The following SIK3 variants were observed in gnomAD, a reference collection of about 807,000 sequenced individuals.
SIK3 encodes serine/threonine-protein kinase SIK3.
SIK3 carries 28 observed loss-of-function variants against 144.2 expected under a neutral mutation model. The observed-to-expected ratio is 0.19, with a 90% confidence interval of 0.14 to 0.27. SIK3 has a LOEUF of 0.27. Among genes scored for constraint, SIK3 ranks in the 10% least tolerant of loss-of-function variants. The pLI is 1.00. For missense variants in SIK3, 1,319 were observed against 1,776.0 expected (o/e 0.74, Z 4.62); for synonymous variants, 686 against 676.3 (o/e 1.01, Z -0.22).
At chr11:117,022,113 A>C (rs970213072) in intron 1 of SIK3, among the ~76,000 whole-genome samples, 3 of 152,038 alleles carry the variant, frequency 2.0e-5, no homozygotes, top group Admixed American at 6.5e-5. Context: ...TATTCTACCC[A>C]TTGCTACAGA....
rs769019791 is a variant in SIK3 at position 116,858,673 on chromosome 11, G to A, written c.2792C>T (p.Ala931Val). ...HSLNVNRFSP[A>V]NYDQAHLHPH... ...GTGTAAATGCGCCTGGTCGTAGTTA[G>A]CAGGGGAGAACCGATTCACGTTCAA... The change falls in exon 21 of 25, where the codon GCT (alanine) becomes GTT (valine). Residue 931 changes from alanine to valine, a missense_variant. Coordinates refer to ENST00000445177, the MANE Select transcript of SIK3 (RefSeq NM_001366686.3). The surrounding 1 kb of genome is among the most constrained non-coding windows in gnomAD (Gnocchi z 5.4). The A allele has an allele frequency of 2.6e-6, 4 of 1,556,968 alleles. No homozygotes were observed. The Admixed American group carries it at 7.7e-5, about 30-fold the overall frequency.
intron 3 of SIK3, among the ~76,000 whole-genome samples, chr11:116,938,041 C>T (rs987771403): frequency 6.6e-6 from 1 of 151,766 alleles, no homozygotes; most frequent in Non-Finnish European, 1.5e-5. Flanking sequence ...CCCGTCTCAA[C>T]TAAAAATACA....
At chr11:116,947,528 TATA>T (rs1948717252) in intron 3 of SIK3, among the ~76,000 whole-genome samples, 2 of 108,080 alleles carry the variant, frequency 1.9e-5, no homozygotes, top group African/African-American at 6.7e-5. Context: ...AATATATATA[TATA>T]TATGTATGTA....
intron 8 of SIK3, 110 bp downstream of exon 8, chr11:116,876,143 G>A (rs1944240320): frequency 2.0e-6 from 3 of 1,495,986 alleles, no homozygotes; most frequent in Admixed American, 2.1e-5. Flanking sequence ...GGCAGAGGAA[G>A]AAAAACAGGA....
intron 4 of SIK3, among the ~76,000 whole-genome samples, chr11:116,919,512 A>G (rs1181820269): frequency 6.6e-6 from 1 of 152,182 alleles, no homozygotes; most frequent in Admixed American, 6.5e-5. Context: ...TTTAAAGACA[A>G]AAGTTTCCAA....
intron 1 of SIK3, among the ~76,000 whole-genome samples, chr11:116,965,112 A>C (rs1045565302): frequency 6.6e-6 from 1 of 152,212 alleles, no homozygotes; most frequent in Non-Finnish European, 1.5e-5. Context: ...GAAGCAAAGG[A>C]AATTTTCTGT....
At chr11:116,859,685 C>A in intron 19 of SIK3, 81 bp from the exon 20 acceptor site, 1 of 1,185,794 alleles carries the variant, frequency 8.4e-7, no homozygotes, top group Non-Finnish European at 1.2e-6. Flanking sequence ...TGAGAATACT[C>A]AGACGACATA....
intron 4 of SIK3, among the ~76,000 whole-genome samples, chr11:116,898,545 A>G (rs1314072570): frequency 4.6e-5 from 7 of 151,692 alleles, no homozygotes; most frequent in South Asian, 2.1e-4. Context: ...CTGAGGAATC[A>G]CCACACTGAC....
intron 1 of SIK3, among the ~76,000 whole-genome samples, chr11:117,071,022 G>C (rs1954255789): frequency 6.6e-6 from 1 of 151,872 alleles, no homozygotes; most frequent in South Asian, 2.1e-4. Flanking sequence ...AGCCACTGCG[G>C]CCAGCCCAAT....
chr11:117,053,818 T>G (rs1000436571), intron 1 of SIK3, among the ~76,000 whole-genome samples: 1 of 152,116 alleles, frequency 6.6e-6, no homozygotes, highest in African/African-American at 2.4e-5. Context: ...AGCTAATTTT[T>G]TTAGTTTTTG....
intron 1 of SIK3, among the ~76,000 whole-genome samples, chr11:117,073,919 G>A (rs1337104438): frequency 6.6e-6 from 1 of 152,150 alleles, no homozygotes; most frequent in Non-Finnish European, 1.5e-5. Flanking sequence ...TTATGGTCTT[G>A]ACCAATATTT....
chr11:116,997,379 G>A (rs1012040247), intron 1 of SIK3, among the ~76,000 whole-genome samples: 1 of 152,196 alleles, frequency 6.6e-6, no homozygotes, highest in Non-Finnish European at 1.5e-5. Context: ...GCTCATATGT[G>A]TAGTAATCAT....
chr11:116,946,993 T>C (rs1385203974), intron 3 of SIK3, among the ~76,000 whole-genome samples: 3 of 151,022 alleles, frequency 2.0e-5, no homozygotes, highest in Non-Finnish European at 4.4e-5. Context: ...CGAGTGCCTG[T>C]AGTCCCAGCT....
At chr11:117,046,083 G>A (rs1479073626) in intron 1 of SIK3, among the ~76,000 whole-genome samples, 1 of 152,182 alleles carries the variant, frequency 6.6e-6, no homozygotes, top group Non-Finnish European at 1.5e-5. Flanking sequence ...AGTGCAGTGG[G>A]CACTGTTCCT....
intron 1 of SIK3, among the ~76,000 whole-genome samples, chr11:117,046,388 T>C (rs1952965878): frequency 6.6e-6 from 1 of 152,192 alleles, no homozygotes; most frequent in Admixed American, 6.5e-5. Context: ...ATTCAAAAGT[T>C]TTGCTCACAT....
intron 1 of SIK3, among the ~76,000 whole-genome samples, chr11:117,012,748 T>C (rs781379332): frequency 7.2e-5 from 11 of 151,736 alleles, no homozygotes; most frequent in Middle Eastern, 6.9e-3. Flanking sequence ...ATTGTCCAGA[T>C]CTCTCAATTG....
intron 1 of SIK3, among the ~76,000 whole-genome samples, chr11:117,094,521 T>C (rs573712767): frequency 3.3e-5 from 5 of 152,182 alleles, no homozygotes; most frequent in African/African-American, 4.8e-5. Flanking sequence ...GGCAGGAGGA[T>C]CTCTTGAGCC....
In SIK3 at chr11:116,903,073, A is replaced by G. The variant is rs114124558; in HGVS notation, c.617-5756T>C. Among the ~76,000 whole-genome samples the G allele has an allele frequency of 1.8e-3, 281 of 152,332 alleles. 1 individual carries two copies. The highest frequency in any genetic ancestry group is 6.8e-3 in the Middle Eastern group (2 of 294). On this transcript the variant is annotated intron_variant, in intron 4 of 24. Coordinates refer to ENST00000445177, the MANE Select transcript of SIK3 (RefSeq NM_001366686.3). The stretch of plus-strand genomic sequence containing the variant: ...AATTTGCTGCCCATTCAGCTATAAC[A>G]TAACTTATTTTCTGAACATTTAAAT...
At chr11:116,880,606 AAGTGTC>A (rs1334854945) in intron 6 of SIK3, among the ~76,000 whole-genome samples, 3 of 152,190 alleles carry the variant, frequency 2.0e-5, no homozygotes, top group African/African-American at 7.2e-5. Context: ...CATATTTCCT[AAGTGTC>A]ATGTAGTTCA....
Sources: gnomAD v4.1 joint callset for allele counts (sites outside exome capture counted in the v4.1 genomes callset) on GRCh38, gnomAD v4.1.1 for gene constraint, Gnocchi (gnomAD v3.1) non-coding constraint, MANE v1.5 for transcripts, NCBI Gene and HGNC (gene_info 2026-07-23, HGNC 2026-07-21) for gene names.